Variants in C3orf52 observed in about 807,000 individuals in gnomAD.
C3orf52 encodes chromosome 3 open reading frame 52, also known as TPA-induced transmembrane protein.
Under a neutral mutation model 24.8 loss-of-function variants are expected in C3orf52, and 22 were observed. That is an observed-to-expected ratio of 0.89 (90% CI 0.63 to 1.27). The LOEUF (loss-of-function observed/expected upper bound fraction) is 1.27, where lower values mean the gene tolerates loss of function less well. Among genes scored for constraint, C3orf52 ranks in the 50% most tolerant of loss-of-function variants. C3orf52 has a pLI of 0.00. For synonymous variants in C3orf52, 93 were observed against 100.2 expected (o/e 0.93, Z 0.43); for missense variants, 265 against 260.7 (o/e 1.02, Z -0.11).
chr3:112,102,492 C>A (rs1166060969), intron 2 of C3orf52, among the ~76,000 whole-genome samples: 2 of 152,224 alleles, frequency 1.3e-5, no homozygotes, highest in South Asian at 2.1e-4. Flanking sequence ...CTCCCAGTAC[C>A]TGCCTTGACA....
At chr3:112,128,069 A>G (rs1304495775) in intron 4 of C3orf52, 6 of 1,612,886 alleles carry the variant, frequency 3.7e-6, no homozygotes, top group Non-Finnish European at 5.1e-6. Context: ...CATCTAAAAT[A>G]CCCAAGAGAG....
chr3:112,103,500 A>C (rs340174), intron 3 of C3orf52, among the ~76,000 whole-genome samples: 14,469 of 152,202 alleles, frequency 0.095, 1,274 homozygotes, highest in African/African-American at 0.24. Context: ...CATTTAATTC[A>C]ACCTATAGTA....
chr3:112,125,269 T>A lies in C3orf52; in HGVS notation c.*47-2964T>A, dbSNP rs781409245. On this transcript the variant is annotated intron_variant, in intron 4 of 4. Transcript: ENST00000480282. ...CATTCTTTCATCTGGAGAAAGAAAA[T>A]ACACTCAATGAATTTCAGGTTATGG... 9 of 1,548,890 alleles carry A rather than the reference T, an allele frequency of 5.8e-6. No homozygotes were observed. In the African/African-American group the frequency reaches 1.2e-4, roughly 21 times the overall value.
intron 1 of C3orf52, among the ~76,000 whole-genome samples, chr3:112,089,486 G>T (rs1372478966): frequency 7.1e-6 from 1 of 141,668 alleles, no homozygotes; most frequent in African/African-American, 2.7e-5. Flanking sequence ...CCCAGATCAC[G>T]CCACTGCACT....
intron 5 of C3orf52, 30 bp downstream of exon 5, chr3:112,113,175 TGTGACAATAAACAGGTGAACCAGA>T: frequency 1.3e-6 from 2 of 1,549,364 alleles, no homozygotes; most frequent in Middle Eastern, 1.7e-4. Flanking sequence ...AAGTCAGAGT[TGTGACAATAAACAGGTGAACCAGA>T]TTGGGGTCAA....
chr3:112,094,845 C>A (rs1361756379), intron 2 of C3orf52, among the ~76,000 whole-genome samples: 1 of 152,126 alleles, frequency 6.6e-6, no homozygotes, highest in East Asian at 1.9e-4. Flanking sequence ...CTGGGATACT[C>A]CCGAGCATGA....
chr3:112,132,362 AC>A (rs2074477260), downstream of C3orf52, among the ~76,000 whole-genome samples: 1 of 152,050 alleles, frequency 6.6e-6, no homozygotes, highest in Non-Finnish European at 1.5e-5. Context: ...TCTCTAGATC[AC>A]CCCACTTTAT....
chr3:112,110,803 C>G (rs570537884), intron 4 of C3orf52, among the ~76,000 whole-genome samples: 7 of 152,268 alleles, frequency 4.6e-5, no homozygotes, highest in African/African-American at 1.7e-4. Context: ...TATTAGCAGA[C>G]CTGGGAGGGG....
intron 1 of C3orf52, among the ~76,000 whole-genome samples, chr3:112,087,508 C>G (rs2073840898): frequency 6.6e-6 from 1 of 152,156 alleles, no homozygotes; most frequent in Non-Finnish European, 1.5e-5. Flanking sequence ...AGGCCCCACT[C>G]CTCCACCCCC....
intron 2 of C3orf52, among the ~76,000 whole-genome samples, chr3:112,100,413 A>G (rs948577917): frequency 4.6e-5 from 7 of 152,228 alleles, no homozygotes; most frequent in Non-Finnish European, 1.0e-4. Flanking sequence ...TAGTGACATA[A>G]AAACTCTCCT....
intron 2 of C3orf52, among the ~76,000 whole-genome samples, chr3:112,098,209 A>G (rs1010841695): frequency 2.0e-5 from 3 of 152,146 alleles, no homozygotes; most frequent in Non-Finnish European, 4.4e-5. Flanking sequence ...TTTTCTTCCC[A>G]AGATTACTAG....
rs1256064956 is a variant in C3orf52 at position 112,116,884 on chromosome 3, G to C, written c.*238G>C. The C allele has an allele frequency of 6.5e-7, 1 of 1,537,190 alleles. No individual in the cohort carries two copies. On this transcript the variant is annotated 3_prime_UTR_variant, in exon 6 of 6. Transcript: ENST00000264848. ...TTGACAAAGGCAGGAAGCCAGCTAGGGTGGGGGCGATAGGGTCAGCGGGTA... is the reference window on the plus strand; with the variant it reads ...TTGACAAAGGCAGGAAGCCAGCTAGCGTGGGGGCGATAGGGTCAGCGGGTA...
intron 4 of C3orf52, 56 bp downstream of exon 4, chr3:112,109,669 C>A: frequency 9.3e-7 from 1 of 1,072,994 alleles, no homozygotes; most frequent in Non-Finnish European, 1.4e-6. Flanking sequence ...GATCCCCCCA[C>A]CCCACCCTTC....
intron 4 of C3orf52, chr3:112,126,852 A>G: frequency 1.4e-6 from 1 of 695,772 alleles, no homozygotes; most frequent in Non-Finnish European, 2.6e-6. Context: ...AGGACATGCA[A>G]TTGGATACAG....
chr3:112,129,250 G>A (rs2074398118), downstream of C3orf52: 1 of 152,202 alleles, frequency 6.6e-6, no homozygotes. Flanking sequence ...GAGATAAGAG[G>A]AGGGGGATGA....
chr3:112,127,841 G>C (rs1291788175), intron 4 of C3orf52, among the ~76,000 whole-genome samples: 3 of 152,092 alleles, frequency 2.0e-5, no homozygotes, highest in African/African-American at 7.2e-5. Flanking sequence ...TGAGACTATT[G>C]TTCCTGTTTC....
At chr3:112,091,510 A>T (rs1202731656) in intron 1 of C3orf52, among the ~76,000 whole-genome samples, 1 of 152,116 alleles carries the variant, frequency 6.6e-6, no homozygotes, top group Non-Finnish European at 1.5e-5. Flanking sequence ...CTCAGACCAG[A>T]GGTCTGCCAT....
chr3:112,093,064 T>C (rs1394177205), intron 1 of C3orf52, among the ~76,000 whole-genome samples: 1 of 152,144 alleles, frequency 6.6e-6, no homozygotes, highest in African/African-American at 2.4e-5. Context: ...GCCGGTTCCA[T>C]TACGAATCCA....
intron 4 of C3orf52, chr3:112,128,197 C>T: frequency 1.3e-6 from 1 of 742,828 alleles, no homozygotes; most frequent in Non-Finnish European, 2.4e-6. Flanking sequence ...ATAACTTGGA[C>T]ACATCTCTCA....
Sources: allele counts gnomAD v4.1 joint callset (sites outside exome capture counted in the v4.1 genomes callset), GRCh38; gene constraint gnomAD v4.1.1; transcripts MANE v1.5; gene names NCBI Gene and HGNC (gene_info 2026-07-23, HGNC 2026-07-21).